Variants in IQCB1 observed in about 807,000 individuals in gnomAD.
The protein encoded by IQCB1 is IQ motif containing B1.
In IQCB1, 56 loss-of-function variants were observed where a neutral mutation model predicts 84.4. The observed-to-expected ratio is 0.66, with a 90% CI of 0.54 to 0.83. The LOEUF is 0.83. IQCB1 is among the 40% of genes least tolerant of loss of function. The pLI, the probability that IQCB1 is intolerant of heterozygous loss-of-function variation, is 0.00. For synonymous variants in IQCB1, 210 were observed against 234.8 expected (o/e 0.89, Z 0.96); for missense variants, 629 against 682.1 (o/e 0.92, Z 0.87).
At chr3:121,780,864 ATGTGTGTGTG>A (rs67059736) in intron 13 of IQCB1, among the ~76,000 whole-genome samples, 2 of 147,576 alleles carry the variant, frequency 1.4e-5, no homozygotes, top group Admixed American at 1.3e-4. Context: ...GTGTGTGTGT[ATGTGTGTGTG>A]TGTGTGTGTG....
At chr3:121,812,841 AC>A (rs1256629059) in intron 5 of IQCB1, among the ~76,000 whole-genome samples, 9 of 151,898 alleles carry the variant, frequency 5.9e-5, no homozygotes, top group African/African-American at 2.2e-4. Flanking sequence ...GTTGGAAAAC[AC>A]TTCAGGATAT....
intron 7 of IQCB1, among the ~76,000 whole-genome samples, chr3:121,804,598 T>C (rs184169790): frequency 1.3e-5 from 2 of 152,242 alleles, no homozygotes; most frequent in African/African-American, 4.8e-5. Flanking sequence ...TTATCTCTAT[T>C]TCTCTATATA....
At chr3:121,816,147 C>A (rs1950046715) in intron 5 of IQCB1, among the ~76,000 whole-genome samples, 1 of 151,984 alleles carries the variant, frequency 6.6e-6, no homozygotes, top group Non-Finnish European at 1.5e-5. Flanking sequence ...TTTGACAAAC[C>A]TGACAAAAAC....
intron 12 of IQCB1, among the ~76,000 whole-genome samples, chr3:121,786,636 A>G (rs1239213574): frequency 6.6e-6 from 1 of 152,100 alleles, no homozygotes; most frequent in Non-Finnish European, 1.5e-5. Context: ...TTAAACAGAG[A>G]CTCATTCCTT....
chr3:121,772,408 TG>T (rs1240902064), intron 14 of IQCB1, 148 bp downstream of exon 14: 2 of 746,090 alleles, frequency 2.7e-6, no homozygotes, highest in East Asian at 5.2e-5. Flanking sequence ...TTGAAAACAT[TG>T]TGTGCTGGTC....
chr3:121,772,658 C>T lies in IQCB1; in HGVS notation c.1466G>A (p.Arg489Gln), dbSNP rs778777318. ...SRELHAQAQE[R>Q]LQHYFMGRAL... is the part of the protein sequence containing the mutation. Reference sequence around the variant, plus strand: ...CCTGCCCATAAAGTAGTGTTGCAGTCGTTCTTGAGCTTGGGCATGGAGCTC... The same window carrying T: ...CCTGCCCATAAAGTAGTGTTGCAGTTGTTCTTGAGCTTGGGCATGGAGCTC... Residue 489 changes from arginine to glutamine, a missense_variant, in exon 14 of 15, where the codon CGA (arginine) becomes CAA (glutamine). Physicochemically the swap from Arg to Gln is conservative, Grantham distance 43. Coordinates refer to ENST00000310864, the MANE Select transcript of IQCB1 (RefSeq NM_001023570.4). 8.7e-5 allele frequency: 140 copies of T among 1,614,020 alleles called. No individual in the cohort carries two copies. The highest frequency in any genetic ancestry group is 1.2e-4 in the Non-Finnish European group (136 of 1,180,018).
Position 121,781,789 on chromosome 3 carries a change from C to A in IQCB1, c.1364G>T (p.Arg455Leu). The stretch of plus-strand genomic sequence containing the variant: ...ATCCACTCGTTTCTTCAGTTCAACT[C>A]GGCGTGCATCAGTGAGTTCTTGGAG... ...RGLQELTDAR[R>L]VELKKRVDDY... The change falls in exon 13 of 15, where the codon CGA (arginine) becomes CTA (leucine). Residue 455 changes from arginine to leucine, a missense_variant. Coordinates refer to ENST00000310864, the MANE Select transcript of IQCB1 (RefSeq NM_001023570.4). 6.2e-7 allele frequency: 1 copy of A among 1,613,782 alleles called. No homozygotes were observed. Among genetic ancestry groups the A allele is most frequent in the Non-Finnish European group, 8.5e-7 (1 of 1,179,822 alleles).
chr3:121,802,308 T>A (rs552867177), intron 7 of IQCB1, among the ~76,000 whole-genome samples: 2 of 152,232 alleles, frequency 1.3e-5, no homozygotes, highest in Non-Finnish European at 2.9e-5. Flanking sequence ...CAATTTTTTT[T>A]TATAGCTATC....
intron 14 of IQCB1, among the ~76,000 whole-genome samples, chr3:121,771,192 G>A (rs554768729): frequency 1.3e-5 from 2 of 151,704 alleles, no homozygotes; most frequent in Admixed American, 6.6e-5. Flanking sequence ...GGCTGGTCTC[G>A]AACTCCTGAC....
At chr3:121,809,509 T>C (rs1305432064) in intron 5 of IQCB1, among the ~76,000 whole-genome samples, 1 of 152,080 alleles carries the variant, frequency 6.6e-6, no homozygotes, top group Non-Finnish European at 1.5e-5. Flanking sequence ...AGTTCCAGTT[T>C]CTACTCATAA....
chr3:121,811,598 C>T (rs943599925), intron 5 of IQCB1, among the ~76,000 whole-genome samples: 3 of 152,176 alleles, frequency 2.0e-5, no homozygotes, highest in Non-Finnish European at 4.4e-5. Context: ...AGGGCATCCA[C>T]CATTACTGAG....
At chr3:121,810,015 T>C (rs1576591339) in intron 5 of IQCB1, among the ~76,000 whole-genome samples, 1 of 151,580 alleles carries the variant, frequency 6.6e-6, no homozygotes, top group East Asian at 1.9e-4. Context: ...TTCAGGAAGC[T>C]ACCTTTGCCA....
rs183062603 is a variant in IQCB1, at chr3:121,781,689, T to C, written c.1410+54A>G. The C allele has an allele frequency of 2.7e-4, 400 of 1,482,152 alleles. No individual in the cohort carries two copies. In the African/African-American group the frequency reaches 5.2e-3, roughly 19 times the overall value. 91.8% of individuals were successfully genotyped at this position (1,482,152 alleles called of 1,614,324 possible). On this transcript the variant is annotated intron_variant, in intron 13 of 14. Transcript: ENST00000310864. ...ATATATGTGTGTGTGTGTACAGTTA[T>C]CAATATCATGCATTGGAATAATGTA...
chr3:121,787,762 A>G (rs1948798196), intron 12 of IQCB1, among the ~76,000 whole-genome samples: 1 of 152,154 alleles, frequency 6.6e-6, no homozygotes, highest in Non-Finnish European at 1.5e-5. Flanking sequence ...AAAAAAAAAA[A>G]AAATACAATT....
At chr3:121,820,988 CTTTT>C (rs748318953) in intron 5 of IQCB1, among the ~76,000 whole-genome samples, 2 of 143,766 alleles carry the variant, frequency 1.4e-5, no homozygotes, top group Non-Finnish European at 3.0e-5. Context: ...CCTTTTTTTT[CTTTT>C]TTTCTTTTTT....
chr3:121,811,258 G>T (rs1949817989), intron 5 of IQCB1, among the ~76,000 whole-genome samples: 1 of 152,122 alleles, frequency 6.6e-6, no homozygotes. Context: ...TTTTTCCCAT[G>T]GTTTTTGCAA....
At chr3:121,799,473 G>A (rs2108571912) in intron 7 of IQCB1, 99 bp from the exon 8 acceptor site, 1 of 744,642 alleles carries the variant, frequency 1.3e-6, no homozygotes, top group East Asian at 2.7e-5. Context: ...ATGCCGGACT[G>A]TGTCCTGATC....
At chr3:121,806,879 C>T (rs961045959) in intron 7 of IQCB1, among the ~76,000 whole-genome samples, 20 of 152,104 alleles carry the variant, frequency 1.3e-4, no homozygotes, top group African/African-American at 4.6e-4. Context: ...TATACTCTGC[C>T]CTTCCATGTT....
At chr3:121,804,600 C>G (rs1304417271) in intron 7 of IQCB1, among the ~76,000 whole-genome samples, 1 of 151,992 alleles carries the variant, frequency 6.6e-6, no homozygotes, top group Admixed American at 6.6e-5. Flanking sequence ...ATCTCTATTT[C>G]TCTATATAAT....
Sources: gnomAD v4.1 joint callset for allele counts (sites outside exome capture counted in the v4.1 genomes callset) on GRCh38, gnomAD v4.1.1 for gene constraint, MANE v1.5 for transcripts, NCBI Gene and HGNC (gene_info 2026-07-23, HGNC 2026-07-21) for gene names.